The following RUFY1 variants were observed in gnomAD, a reference collection of about 807,000 sequenced individuals.
RUFY1 encodes RUN and FYVE domain-containing protein 1.
A neutral mutation model predicts 94.6 loss-of-function variants in RUFY1; 54 were observed. That is an observed-to-expected ratio of 0.57 (90% CI 0.46 to 0.72). The LOEUF (loss-of-function observed/expected upper bound fraction) is 0.72. Ranked by LOEUF, RUFY1 falls within the 30% of genes least tolerant of loss-of-function variation. RUFY1 has a pLI of 0.00. For missense variants in RUFY1, 883 were observed against 883.9 expected, an observed-to-expected ratio of 1.00 and a Z score of 0.01; for synonymous variants, 396 against 347.3, an observed-to-expected ratio of 1.14 and a Z score of -1.56.
intron 10 of RUFY1, 28 bp downstream of exon 10, chr5:179,591,769 G>A: frequency 1.5e-6 from 2 of 1,312,244 alleles, no homozygotes; most frequent in Non-Finnish European, 2.2e-6. Context: ...AGTGTCTTTA[G>A]AAAGAGTTTC....
intron 1 of RUFY1, among the ~76,000 whole-genome samples, chr5:179,559,062 G>A (rs1762251637): frequency 6.6e-6 from 1 of 152,072 alleles, no homozygotes; most frequent in Non-Finnish European, 1.5e-5. Flanking sequence ...ACGATCCCCC[G>A]CCCCCATTCC....
Position 179,567,456 on chromosome 5 carries a change from T to G in RUFY1, c.603-5T>G. On this transcript the variant is annotated splice_polypyrimidine_tract_variant and splice_region_variant and intron_variant, in intron 3 of 17. Transcript: ENST00000319449. Reference sequence around the variant, plus strand: ...ACAATAGTTGATTCTCTGTTTGAATTCTAGGACAGCTGTGGGAAGAGGCCG... The same window carrying G: ...ACAATAGTTGATTCTCTGTTTGAATGCTAGGACAGCTGTGGGAAGAGGCCG... The G allele has an allele frequency of 6.2e-7, 1 of 1,609,716 alleles. No individual in the cohort carries two copies. The highest frequency in any genetic ancestry group is 8.5e-7 in the Non-Finnish European group (1 of 1,176,116).
At chr5:179,603,964 G>C (rs561863060) in intron 15 of RUFY1, among the ~76,000 whole-genome samples, 19 of 152,338 alleles carry the variant, frequency 1.2e-4, no homozygotes, top group African/African-American at 4.3e-4. Context: ...GGCTGAGGCA[G>C]GAGAATCGCT....
intron 12 of RUFY1, among the ~76,000 whole-genome samples, chr5:179,595,725 A>G (rs1765573768): frequency 6.6e-6 from 1 of 151,766 alleles, no homozygotes; most frequent in Non-Finnish European, 1.5e-5. Flanking sequence ...CTAATTTTGT[A>G]TTTTTGTAGA....
At chr5:179,569,280 C>G in intron 4 of RUFY1, 22 bp from the exon 5 acceptor site, 1 of 1,613,698 alleles carries the variant, frequency 6.2e-7, no homozygotes, top group Non-Finnish European at 8.5e-7. Context: ...GAGCATCGCC[C>G]TGTCCTGTCC....
intron 12 of RUFY1, chr5:179,596,285 A>G (rs1403907773): frequency 2.0e-6 from 1 of 502,630 alleles, no homozygotes; most frequent in South Asian, 2.0e-5. Context: ...TCTCAAGGTT[A>G]TATAATGTAT....
rs925451040 is a variant in RUFY1 at position 179,575,416 on chromosome 5, A to G, written c.829-1659A>G. ...TGGCAGGGGTTTCTTGGACATCTCC[A>G]TGTTTACATGGTCTCCAGCATTGTG... On this transcript the variant is annotated intron_variant, in intron 5 of 17. Coordinates refer to ENST00000319449, the MANE Select transcript of RUFY1 (RefSeq NM_025158.5). 5.9e-5 allele frequency among the ~76,000 whole-genome samples: 9 copies of G among 152,192 alleles called. No homozygotes were observed. The East Asian group carries it at 1.5e-3, about 26-fold the overall frequency.
intron 14 of RUFY1, among the ~76,000 whole-genome samples, chr5:179,601,187 G>A (rs1581557192): frequency 6.6e-6 from 1 of 151,682 alleles, no homozygotes; most frequent in African/African-American, 2.4e-5. Context: ...TGTTTTGTTT[G>A]AGATGGAGTC....
In RUFY1 at chr5:179,562,663, AAGTG is replaced by A. The variant is rs1762539858; in HGVS notation, c.602+6_602+9del. The A allele has an allele frequency of 6.8e-7, 1 of 1,475,110 alleles. No homozygotes were observed. The highest frequency in any genetic ancestry group is 1.7e-4 in the Middle Eastern group (1 of 5,798). The allele number at this position is 1,475,110 out of a possible 1,614,324, so 91.4% of individuals were successfully genotyped here. The stretch of plus-strand genomic sequence containing the variant: ...TAGTGTCAGAAATCTTCCAGAATTA[AAGTG>A]AGTGAGAAGTAGTTCTGCCAATTTG... On this transcript the variant is annotated splice_donor_variant and splice_donor_region_variant and coding_sequence_variant and intron_variant, in exon 3 of 18. Transcript: ENST00000319449. LOFTEE classifies it high-confidence loss of function.
chr5:179,564,420 GTTTTTTT>G (rs60186448), intron 3 of RUFY1, among the ~76,000 whole-genome samples: 1 of 123,662 alleles, frequency 8.1e-6, no homozygotes, highest in African/African-American at 3.0e-5. Context: ...GTGCCTGGCT[GTTTTTTT>G]TTTTTTTTTT....
intron 1 of RUFY1, among the ~76,000 whole-genome samples, chr5:179,552,509 G>C (rs915907328): frequency 1.3e-5 from 2 of 152,200 alleles, no homozygotes; most frequent in African/African-American, 4.8e-5. Flanking sequence ...GTGGAAAATA[G>C]CATTAGAGGA....
chr5:179,565,437 C>G (rs1762771200), intron 3 of RUFY1, among the ~76,000 whole-genome samples: 1 of 151,886 alleles, frequency 6.6e-6, no homozygotes, highest in African/African-American at 2.4e-5. Flanking sequence ...ACTTGGCCTC[C>G]CAAAGTGCTG....
chr5:179,598,416 G>A (rs1011695922), intron 13 of RUFY1: 3 of 400,686 alleles, frequency 7.5e-6, no homozygotes, highest in Non-Finnish European at 9.0e-6. Flanking sequence ...TCCATGTCGG[G>A]AGGGTTCTGC....
At chr5:179,595,024 G>A (rs1005940229) in intron 12 of RUFY1, 61 bp downstream of exon 12, 4 of 1,207,560 alleles carry the variant, frequency 3.3e-6, no homozygotes, top group Non-Finnish European at 4.8e-6. Flanking sequence ...TGGGCCTGGA[G>A]ACTTATTCAG....
Position 179,585,777 on chromosome 5 carries a change from ATAT to A in RUFY1, c.957-17_957-15del, listed in dbSNP as rs1764562018. The A allele has an allele frequency of 6.3e-7, 1 of 1,577,266 alleles. No individual in the cohort carries two copies. The highest frequency in any genetic ancestry group is 1.7e-5 in the Admixed American group (1 of 59,664). On this transcript the variant is annotated splice_polypyrimidine_tract_variant and intron_variant, in intron 7 of 17. Transcript: ENST00000319449. ...GCTTGTATAAGTTTATGTTTACTTA[ATAT>A]TCTTATTTTCTACAGCTGCACAGTT...
intron 1 of RUFY1, among the ~76,000 whole-genome samples, chr5:179,556,367 A>T (rs1762114618): frequency 1.3e-5 from 2 of 152,174 alleles, no homozygotes; most frequent in African/African-American, 2.4e-5. Context: ...ATAAATTTTT[A>T]TTGTGACTGA....
chr5:179,572,083 G>T, intron 5 of RUFY1: 1 of 166,362 alleles, frequency 6.0e-6, no homozygotes, highest in Non-Finnish European at 1.3e-5. Context: ...AATATCAAAT[G>T]TGGGGAGCTG....
chr5:179,578,966 G>A (rs889455813), intron 6 of RUFY1, among the ~76,000 whole-genome samples: 5 of 152,168 alleles, frequency 3.3e-5, no homozygotes, highest in African/African-American at 1.2e-4. Context: ...TAATAAAAAA[G>A]GATATGCATA....
At chr5:179,550,951 G>A (rs1255973879) in intron 1 of RUFY1, 72 bp downstream of exon 1, 22 of 1,007,820 alleles carry the variant, frequency 2.2e-5, no homozygotes, top group Non-Finnish European at 2.5e-5. Flanking sequence ...GGCGCGGTGG[G>A]GGCCGGGCTG....
Sources: allele counts gnomAD v4.1 joint callset (sites outside exome capture counted in the v4.1 genomes callset), GRCh38; gene constraint gnomAD v4.1.1; transcripts MANE v1.5; gene names NCBI Gene and HGNC (gene_info 2026-07-23, HGNC 2026-07-21).